The following SAMMSON variants were observed in gnomAD, a reference collection of about 807,000 sequenced individuals.
The protein encoded by SAMMSON is survival associated mitochondrial melanoma specific oncogenic non-coding RNA.
intron 4 of SAMMSON, among the ~76,000 whole-genome samples, chr3:70,102,292 T>C (rs1329634480): frequency 1.3e-5 from 2 of 152,172 alleles, no homozygotes; most frequent in Non-Finnish European, 2.9e-5. Flanking sequence ...CCAGATGAAA[T>C]ATAACAAAGC....
At chr3:70,153,814 G>A (rs1268044600) in intron 4 of SAMMSON, among the ~76,000 whole-genome samples, 3 of 151,698 alleles carry the variant, frequency 2.0e-5, no homozygotes, top group African/African-American at 7.3e-5. Context: ...CTTTTTCATC[G>A]TCTCAAACTG....
intron 4 of SAMMSON, among the ~76,000 whole-genome samples, chr3:70,231,858 C>A (rs111968233): frequency 6.6e-6 from 1 of 152,098 alleles, no homozygotes; most frequent in African/African-American, 2.4e-5. Flanking sequence ...ACTAAACAGG[C>A]CTGCTGTGAT....
intron 3 of SAMMSON, among the ~76,000 whole-genome samples, chr3:70,058,008 A>G (rs1022100990): frequency 6.6e-6 from 1 of 152,102 alleles, no homozygotes; most frequent in Non-Finnish European, 1.5e-5. Context: ...AATGAAATAT[A>G]CCTATTAACA....
chr3:70,397,587 G>C (rs1296638010), intron 2 of SAMMSON, among the ~76,000 whole-genome samples: 4 of 152,154 alleles, frequency 2.6e-5, no homozygotes, highest in Non-Finnish European at 5.9e-5. Flanking sequence ...AACAATATGT[G>C]TGTGTGATTT....
In SAMMSON at chr3:70,173,672, A is replaced by C. The variant is rs183908835; in HGVS notation, n.508-75435A>C. On this transcript the variant is annotated intron_variant and non_coding_transcript_variant, in intron 4 of 9. Coordinates refer to ENST00000642114, the Ensembl canonical transcript of SAMMSON. ...GAACCATTAGTTGCTCACAATGATC[A>C]CGAGCCAAAATGACAAAAATAAGTA... 4.6e-5 allele frequency among the ~76,000 whole-genome samples: 7 copies of C among 152,046 alleles called. No individual in the cohort carries two copies. The East Asian group carries it at 1.4e-3, about 29-fold the overall frequency.
At chr3:70,150,443 T>G (rs914919657) in intron 4 of SAMMSON, among the ~76,000 whole-genome samples, 3 of 152,068 alleles carry the variant, frequency 2.0e-5, no homozygotes, top group Non-Finnish European at 1.5e-5. Flanking sequence ...CTAGTTCTTA[T>G]CCAAGTATCA....
intron 6 of SAMMSON, among the ~76,000 whole-genome samples, chr3:70,266,480 G>A (rs1176214986): frequency 6.6e-6 from 1 of 151,984 alleles, no homozygotes; most frequent in East Asian, 1.9e-4. Context: ...GAGAGTAGTG[G>A]CACAATCATG....
chr3:70,048,858 A>G (rs972281429), intron 3 of SAMMSON, among the ~76,000 whole-genome samples: 1 of 152,052 alleles, frequency 6.6e-6, no homozygotes, highest in African/African-American at 2.4e-5. Flanking sequence ...TACATCTACA[A>G]CAGGAGAGTG....
intron 9 of SAMMSON, among the ~76,000 whole-genome samples, chr3:70,385,608 T>G (rs74523958): frequency 0.023 from 3,494 of 152,064 alleles, 75 homozygotes; most frequent in Middle Eastern, 0.041. Flanking sequence ...GGACAGTCTG[T>G]GATTGGGTGA....
intron 4 of SAMMSON, among the ~76,000 whole-genome samples, chr3:70,195,891 C>T (rs1026548749): frequency 1.3e-5 from 2 of 152,126 alleles, no homozygotes; most frequent in East Asian, 1.9e-4. Flanking sequence ...GTCTATATCA[C>T]ATCTTTTTCT....
At chr3:70,365,588 A>C (rs1702914104) in intron 9 of SAMMSON, among the ~76,000 whole-genome samples, 1 of 151,772 alleles carries the variant, frequency 6.6e-6, no homozygotes, top group Non-Finnish European at 1.5e-5. Context: ...TTTACTTGTT[A>C]AGTCCAGTGA....
chr3:70,187,863 G>A (rs1490436276), intron 4 of SAMMSON, among the ~76,000 whole-genome samples: 1 of 152,096 alleles, frequency 6.6e-6, no homozygotes, highest in African/African-American at 2.4e-5. Context: ...TCACTCTGCT[G>A]CCATAGAAGC....
At chr3:70,354,806 G>A (rs539252689) in intron 8 of SAMMSON, among the ~76,000 whole-genome samples, 1 of 152,252 alleles carries the variant, frequency 6.6e-6, no homozygotes, top group Admixed American at 6.5e-5. Flanking sequence ...TTCACCCAGC[G>A]TTCCTTCCCT....
chr3:70,093,086 C>G (rs773355778), intron 4 of SAMMSON, among the ~76,000 whole-genome samples: 21 of 151,996 alleles, frequency 1.4e-4, no homozygotes, highest in Non-Finnish European at 3.1e-4. Context: ...ATATTTCAAA[C>G]CCTTGCTTGT....
intron 2 of SAMMSON, among the ~76,000 whole-genome samples, chr3:70,423,186 G>A (rs1044761652): frequency 6.6e-6 from 1 of 152,098 alleles, no homozygotes; most frequent in Non-Finnish European, 1.5e-5. Context: ...GAGCCAGAAA[G>A]GGAATAAACT....
rs183709900 is a variant in SAMMSON at position 70,408,214 on chromosome 3, A to G, written n.233+49890A>G. On this transcript the variant is annotated intron_variant and non_coding_transcript_variant, in intron 2 of 3. Transcript: ENST00000641053. ...TGGGCCAGCGATGGGAGGCGCTGCC[A>G]TGAAGACCTCTAACATGCCCTGGAG... Among the ~76,000 whole-genome samples the G allele has an allele frequency of 3.7e-4, 57 of 152,342 alleles. No individual in the cohort carries two copies. In the East Asian group the frequency reaches 8.9e-3, roughly 24 times the overall value.
At chr3:70,237,301 C>G (rs571884812) in intron 4 of SAMMSON, among the ~76,000 whole-genome samples, 1 of 152,194 alleles carries the variant, frequency 6.6e-6, no homozygotes, top group Non-Finnish European at 1.5e-5. Context: ...ACAATATAGA[C>G]AGACCTCTAT....
chr3:70,126,421 C>T (rs2067459173), intron 4 of SAMMSON: 1 of 745,478 alleles, frequency 1.3e-6, no homozygotes, highest in Non-Finnish European at 2.4e-6. Flanking sequence ...CTGTATGTTT[C>T]AGCTGCCCCT....
chr3:70,043,475 C>G (rs986517794), intron 3 of SAMMSON, among the ~76,000 whole-genome samples: 2 of 151,936 alleles, frequency 1.3e-5, no homozygotes, highest in Non-Finnish European at 2.9e-5. Flanking sequence ...GTTAGAGACT[C>G]CTTTTTGTGT....
Sources: allele counts gnomAD v4.1 joint callset (sites outside exome capture counted in the v4.1 genomes callset), GRCh38; gene constraint gnomAD v4.1.1; transcripts MANE v1.5; gene names NCBI Gene and HGNC (gene_info 2026-07-23, HGNC 2026-07-21).